Variants in MYH14 observed in about 807,000 individuals in gnomAD.
MYH14 encodes the protein myosin-14.
In MYH14, 123 loss-of-function variants were observed where a neutral mutation model predicts 255.5. The ratio of observed to expected loss-of-function variants is 0.48; its 90% CI spans 0.42 to 0.56. The LOEUF (loss-of-function observed/expected upper bound fraction) is 0.56, where lower values mean the gene tolerates loss of function less well. Ranked by LOEUF, MYH14 falls within the 20% of genes least tolerant of loss-of-function variation. The pLI is 0.00. For synonymous variants in MYH14, 1,095 were observed against 1,161.2 expected (o/e 0.94, Z 1.16); for missense variants, 2,423 against 2,802.3 (o/e 0.86, Z 3.06).
chr19:50,299,460 A>G (rs2123472605), intron 39 of MYH14, among the ~76,000 whole-genome samples: 1 of 149,952 alleles, frequency 6.7e-6, no homozygotes, highest in East Asian at 2.0e-4. Context: ...AGTCCCACAT[A>G]CTTGGGAGGC....
At position 50,261,574 on chromosome 19, in the gene MYH14, C is replaced by T; in HGVS notation, c.2524C>T (p.Leu842=). ...GGCCCAGCTGGAAGAGGAGCGAGAC[C>T]TGAAGGTCACCGACATCATCGTCTC... ...VLAQLEEERD[L]KVTDIIVSFQ... Residue 842 remains leucine (L), a synonymous_variant, in exon 21 of 43, where the codon CTG becomes TTG. Coordinates refer to ENST00000642316, the MANE Select transcript of MYH14 (RefSeq NM_001145809.2). 1.2e-6 allele frequency: 2 copies of T among 1,603,344 alleles called. No individual in the cohort carries two copies. The highest frequency in any genetic ancestry group is 1.1e-5 in the South Asian group (1 of 89,712).
At position 50,214,964 on chromosome 19, in the gene MYH14, G is replaced by C. The variant is rs188302293; in HGVS notation, c.406-2651G>C. On this transcript the variant is annotated intron_variant, in intron 2 of 42. Transcript: ENST00000642316. Reference sequence around the variant, plus strand: ...TAATGAGGTGGGGAGTGTCGCCCTCGGTTTCCCAAGGAGGAAACTGAGACT... The same window carrying C: ...TAATGAGGTGGGGAGTGTCGCCCTCCGTTTCCCAAGGAGGAAACTGAGACT... Among the ~76,000 whole-genome samples, 348 of 152,076 alleles carry C rather than the reference G, an allele frequency of 2.3e-3. 2 individuals are homozygous for C. Among genetic ancestry groups the C allele is most frequent in the African/African-American group, 7.7e-3 (321 of 41,474 alleles).
At chr19:50,234,110 G>A (rs1204077577) in intron 10 of MYH14, among the ~76,000 whole-genome samples, 1 of 151,952 alleles carries the variant, frequency 6.6e-6, no homozygotes, top group Non-Finnish European at 1.5e-5. Context: ...ATGAGCCACC[G>A]CACCTGGCCT....
rs774314722 is a variant in MYH14 at position 50,309,800 on chromosome 19, GT to G, written c.*11del. 7.1e-6 allele frequency: 11 copies of G among 1,544,524 alleles called. No individual in the cohort carries two copies. The East Asian group carries it at 2.7e-4, about 38-fold the overall frequency. On this transcript the variant is annotated 3_prime_UTR_variant, in exon 43 of 43. Transcript: ENST00000642316. ...AGCCCACCCCCAGTGACCCTACCCT[GT>G]CCCCAGATGCACTAACAGATGGGGC...
At chr19:50,267,838 G>A (rs555953162) in intron 23 of MYH14, among the ~76,000 whole-genome samples, 2 of 152,184 alleles carry the variant, frequency 1.3e-5, no homozygotes, top group East Asian at 3.9e-4. Flanking sequence ...GCTGGAGAGA[G>A]ACAGGTGAGA....
chr19:50,308,972 G>A (rs1386281618), intron 41 of MYH14, 33 bp from the exon 42 acceptor site: 1 of 1,572,770 alleles, frequency 6.4e-7, no homozygotes, highest in Admixed American at 1.8e-5. Context: ...ACAGTACCTG[G>A]AGATATAACC....
chr19:50,271,059 AG>A lies in MYH14; in HGVS notation c.3034-348del, dbSNP rs112803881. On this transcript the variant is annotated intron_variant, in intron 24 of 42. Transcript: ENST00000642316. ...CCCACACAAGAATGTGATTTCCACA[AG>A]GATAGGTGTTCCTTTTTTTTTTCAG... 9.1e-3 allele frequency among the ~76,000 whole-genome samples: 1,388 copies of A among 152,150 alleles called. 24 individuals are homozygous for A. Among genetic ancestry groups the A allele is most frequent in the African/African-American group, 0.031 (1,280 of 41,492 alleles).
rs755444980 is a variant in MYH14 at position 50,275,983 on chromosome 19, A to AC, written c.3468-3dup. The AC allele has an allele frequency of 5.6e-6, 9 of 1,608,302 alleles. No homozygotes were observed. The East Asian group carries it at 1.8e-4, about 32-fold the overall frequency. ...CTGTATCAACTCCACGGTTCTTGTC[A>AC]CCCCCAGGGCAGAAGACGAGGGTGG... On this transcript the variant is annotated splice_polypyrimidine_tract_variant and splice_region_variant and intron_variant, in intron 27 of 42. Coordinates refer to ENST00000642316, the MANE Select transcript of MYH14 (RefSeq NM_001145809.2).
chr19:50,207,052 GAAAAAAAAAAAA>G (rs11334892), intron 1 of MYH14, among the ~76,000 whole-genome samples: 5 of 38,582 alleles, frequency 1.3e-4, no homozygotes, highest in Admixed American at 4.9e-4. Context: ...GTTTCTACCA[GAAAAAAAAAAAA>G]AAAAAAAAAA....
Position 50,293,471 on chromosome 19 carries a change from C to T in MYH14, c.5346-93C>T, listed in dbSNP as rs1307911576. ...CCTGGGGTGTGAGGCTGGGGAGATGCGTGGGGCTAACCACAGGGTCCTGTA... is the reference window on the plus strand; with the variant it reads ...CCTGGGGTGTGAGGCTGGGGAGATGTGTGGGGCTAACCACAGGGTCCTGTA... On this transcript the variant is annotated intron_variant, in intron 38 of 42. Coordinates refer to ENST00000642316, the MANE Select transcript of MYH14 (RefSeq NM_001145809.2). This position sits in a 1 kb window ranked among gnomAD's most constrained non-coding sequence, Gnocchi z 4.1. 4.3e-5 allele frequency: 67 copies of T among 1,560,056 alleles called. No individual in the cohort carries two copies. Among genetic ancestry groups the T allele is most frequent in the East Asian group, 9.4e-5 (4 of 42,584 alleles).
chr19:50,231,588 C>G (rs985538533), intron 9 of MYH14, among the ~76,000 whole-genome samples: 1 of 152,048 alleles, frequency 6.6e-6, no homozygotes, highest in Non-Finnish European at 1.5e-5. Context: ...TGGCACACAG[C>G]TGTAGTCCCA....
At position 50,261,649 on chromosome 19, in the gene MYH14, C is replaced by T. The variant is rs1239885164; in HGVS notation, c.2585+14C>T. ...CCTGGCTCGCAGGTGGGCAGCCACG[C>T]TGTCTCCCGGGGTCCTGTTGGCCGA... On this transcript the variant is annotated intron_variant, in intron 21 of 42. Coordinates refer to ENST00000642316, the MANE Select transcript of MYH14 (RefSeq NM_001145809.2). The T allele has an allele frequency of 6.3e-7, 1 of 1,586,896 alleles. No homozygotes were observed. Among genetic ancestry groups the T allele is most frequent in the South Asian group, 1.1e-5 (1 of 87,882 alleles).
chr19:50,284,092 CA>C (rs58340482), intron 33 of MYH14, among the ~76,000 whole-genome samples: 2 of 143,718 alleles, frequency 1.4e-5, no homozygotes, highest in East Asian at 2.1e-4. Context: ...AAACAAAAAA[CA>C]AAAAAAAAAC....
At position 50,289,585 on chromosome 19, in the gene MYH14, T is replaced by G. The variant is rs1340234478; in HGVS notation, c.4902T>G (p.His1634Gln). ...EVTVQALKTQHERDLQGRDEA... is the reference protein window; with the variant it reads ...EVTVQALKTQQERDLQGRDEA... ...CTGTGCAGGCTCTCAAGACTCAGCA[T>G]GAGCGTGACCTGCAGGGCCGTGATG... is the stretch of plus-strand genomic sequence containing the variant. Residue 1634 changes from histidine (H) to glutamine (Q), a missense_variant, in exon 35 of 43, where the codon CAT (histidine) becomes CAG (glutamine). Coordinates refer to ENST00000642316, the MANE Select transcript of MYH14 (RefSeq NM_001145809.2). 5.0e-6 allele frequency: 8 copies of G among 1,612,884 alleles called. No individual in the cohort carries two copies. Among genetic ancestry groups the G allele is most frequent in the South Asian group, 4.4e-5 (4 of 90,826 alleles).
Position 50,209,749 on chromosome 19 carries a change from A to T in MYH14, c.-3-614A>T, listed in dbSNP as rs1229830988. ...CAGTGAGCCGAGATCGTGCCACTGCACTCCAGCCTGGGCGACACAGTGAGA... is the reference window on the plus strand; with the variant it reads ...CAGTGAGCCGAGATCGTGCCACTGCTCTCCAGCCTGGGCGACACAGTGAGA... On this transcript the variant is annotated intron_variant, in intron 1 of 42. Transcript: ENST00000642316. Among the ~76,000 whole-genome samples, 14 of 145,972 alleles carry T rather than the reference A, an allele frequency of 9.6e-5. No homozygotes were observed. In the South Asian group the frequency reaches 2.6e-3, roughly 27 times the overall value.
Position 50,286,710 on chromosome 19 carries a change from G to A in MYH14, c.4752+16G>A, listed in dbSNP as rs10406788. 0.1 allele frequency: 162,521 copies of A among 1,556,746 alleles called. 9,926 individuals carry two copies. The highest frequency in any genetic ancestry group is 0.26 in the African/African-American group (19,139 of 73,544). On this transcript the variant is annotated intron_variant, in intron 34 of 42. Transcript: ENST00000642316. ...CGGCAAGAGCGTGAGCAGGGCCCCC[G>A]CTCCCCGGGACACACTGGGTGAGGG...
At chr19:50,203,760 CGGGAG>C (rs2031575640) in intron 1 of MYH14, 89 bp downstream of exon 1, 1 of 149,676 alleles carries the variant, frequency 6.7e-6, no homozygotes, top group African/African-American at 2.4e-5. Flanking sequence ...GATCGGGGCC[CGGGAG>C]CCCGGGCAGG....
At chr19:50,251,521 TACACACACACACACACAC>T (rs56728213) in intron 15 of MYH14, among the ~76,000 whole-genome samples, 26 of 72,634 alleles carry the variant, frequency 3.6e-4, no homozygotes, top group African/African-American at 1.1e-3. Context: ...ATATACACAC[TACACACACACACACACAC>T]ACACACACAC....
At chr19:50,278,025 G>T in intron 29 of MYH14, 58 bp from the exon 30 acceptor site, 1 of 1,371,542 alleles carries the variant, frequency 7.3e-7, no homozygotes. Context: ...ATGGGAGTGT[G>T]CCTGGCCTGG....
Sources: gnomAD v4.1 joint callset for allele counts (sites outside exome capture counted in the v4.1 genomes callset) on GRCh38, gnomAD v4.1.1 for gene constraint, Gnocchi (gnomAD v3.1) non-coding constraint, MANE v1.5 for transcripts, NCBI Gene and HGNC (gene_info 2026-07-23, HGNC 2026-07-21) for gene names.